Variants in RNF111 observed in about 807,000 individuals in gnomAD.
RNF111 encodes the protein E3 ubiquitin-protein ligase Arkadia.
Under a neutral mutation model 95.1 loss-of-function variants are expected in RNF111, and 17 were observed. That is an observed-to-expected ratio of 0.18 (90% CI 0.12 to 0.27). RNF111 has a LOEUF of 0.27. Among genes scored for constraint, RNF111 ranks in the 10% least tolerant of loss-of-function variants. The pLI is 1.00. For missense variants in RNF111, 1,189 were observed against 1,210.4 expected (o/e 0.98, Z 0.26); for synonymous variants, 440 against 414.8 (o/e 1.06, Z -0.74).
rs996458067 is a variant in RNF111 at position 59,095,252 on chromosome 15, T to C, written c.*352T>C. The C allele has an allele frequency of 2.5e-5, 6 of 243,198 alleles. No homozygotes were observed. The highest frequency in any genetic ancestry group is 8.0e-6 in the Non-Finnish European group (1 of 124,954). The allele number at this position is 243,198 out of a possible 1,614,324, so 15.1% of individuals were successfully genotyped here. ...AGAATTTTGTGGTCTTTTTGTTTTT[T>C]ACATAGTACCAAGCCTTGATAATTA... is the stretch of plus-strand genomic sequence containing the variant. On this transcript the variant is annotated 3_prime_UTR_variant, in exon 14 of 14. Coordinates refer to ENST00000348370, the MANE Select transcript of RNF111 (RefSeq NM_017610.8).
intron 2 of RNF111, among the ~76,000 whole-genome samples, chr15:59,034,041 C>G (rs528210018): frequency 2.6e-5 from 4 of 152,186 alleles, no homozygotes; most frequent in African/African-American, 7.2e-5. Context: ...TTCAGATCCT[C>G]CAGTGTTACT....
intron 2 of RNF111, among the ~76,000 whole-genome samples, chr15:59,032,923 T>A (rs1347054653): frequency 3.9e-5 from 6 of 152,132 alleles, no homozygotes; most frequent in Non-Finnish European, 8.8e-5. Context: ...ACAGTAAATG[T>A]GATATTTAAG....
intron 6 of RNF111, among the ~76,000 whole-genome samples, chr15:59,069,483 G>A (rs1361342555): frequency 1.3e-5 from 2 of 152,146 alleles, no homozygotes; most frequent in South Asian, 2.1e-4. Context: ...CATCAATTAT[G>A]TATACAACTT....
At chr15:59,067,407 G>A (rs80069580) in intron 6 of RNF111, among the ~76,000 whole-genome samples, 2,319 of 151,912 alleles carry the variant, frequency 0.015, 64 homozygotes, top group African/African-American at 0.053. Flanking sequence ...CCCAGCATGA[G>A]GGAGTAACTA....
Position 59,076,092 on chromosome 15 carries a change from G to C in RNF111, c.1825G>C (p.Ala609Pro), listed in dbSNP as rs751970190. The C allele has an allele frequency of 8.1e-6, 13 of 1,614,078 alleles. No homozygotes were observed. The highest frequency in any genetic ancestry group is 5.5e-5 in the South Asian group (5 of 91,092). Residue 609 changes from alanine to proline, a missense_variant, in exon 7 of 14, where the codon GCT becomes CCT. Coordinates refer to ENST00000348370, the MANE Select transcript of RNF111 (RefSeq NM_017610.8). ...AAIFGHQAAA[A>P]APSQPLSSID... ...AATCTTTGGCCATCAGGCCGCTGCTGCTGCCCCAAGTCAACCTTTATCATC... is the reference window on the plus strand; with the variant it reads ...AATCTTTGGCCATCAGGCCGCTGCTCCTGCCCCAAGTCAACCTTTATCATC...
intron 1 of RNF111, among the ~76,000 whole-genome samples, chr15:59,013,576 C>G (rs1027095624): frequency 2.0e-5 from 3 of 152,184 alleles, no homozygotes; most frequent in Non-Finnish European, 2.9e-5. Flanking sequence ...GTCAACATGA[C>G]TTAGCACTGA....
At position 59,066,774 on chromosome 15, in the gene RNF111, G is replaced by T; in HGVS notation, c.1377G>T (p.Arg459Ser). Residue 459 changes from arginine (R) to serine (S), a missense_variant, in exon 6 of 14, where the codon AGG becomes AGT. By Grantham distance (110) the Arg-to-Ser change is moderately radical. This residue lies in a region of RNF111 where 1,024 missense variants were observed against 925.9 expected (regional missense o/e 1.11). Transcript: ENST00000348370. Reference sequence around the variant, plus strand: ...TTTTTCTGTTTCAAGATGACTCAAGGAGAACTACATCTAGTGCTGTAACGG... The same window carrying T: ...TTTTTCTGTTTCAAGATGACTCAAGTAGAACTACATCTAGTGCTGTAACGG... ...TTGTSIGDDS[R>S]RTTSSAVTET... 1 of 1,612,472 alleles carries T rather than the reference G, an allele frequency of 6.2e-7. No homozygotes were observed. Among genetic ancestry groups the T allele is most frequent in the East Asian group, 2.2e-5 (1 of 44,854 alleles).
intron 1 of RNF111, among the ~76,000 whole-genome samples, chr15:59,025,956 C>T (rs746767240): frequency 1.8e-4 from 27 of 151,922 alleles, no homozygotes; most frequent in Non-Finnish European, 3.4e-4. Context: ...TCTCGAACTC[C>T]CAACCTCAGG....
At chr15:59,036,308 AC>A (rs1430647316) in intron 2 of RNF111, among the ~76,000 whole-genome samples, 1 of 152,030 alleles carries the variant, frequency 6.6e-6, no homozygotes, top group Non-Finnish European at 1.5e-5. Context: ...TCCGCTGCCC[AC>A]CTCAGCCTCC....
rs563230023 is a variant in RNF111 at position 59,014,785 on chromosome 15, C to G, written c.-19-16019C>G. ...TTTTTTTTTTTTTTTGAGACAGGGTCTTCCTCTATGGACCACCTGGAGTGC... is the reference window on the plus strand; with the variant it reads ...TTTTTTTTTTTTTTTGAGACAGGGTGTTCCTCTATGGACCACCTGGAGTGC... On this transcript the variant is annotated intron_variant, in intron 1 of 13. Transcript: ENST00000348370. Among the ~76,000 whole-genome samples the G allele has an allele frequency of 1.5e-4, 22 of 147,670 alleles. No individual in the cohort carries two copies. The South Asian group carries it at 4.7e-3, about 32-fold the overall frequency.
chr15:59,000,491 C>T (rs1418217125), intron 1 of RNF111, among the ~76,000 whole-genome samples: 12 of 152,060 alleles, frequency 7.9e-5, no homozygotes, highest in African/African-American at 2.9e-4. Context: ...GCAGGCGGAT[C>T]ACCTGAGGTC....
In RNF111 at chr15:59,094,832, T is replaced by C. The variant is rs2079150211; in HGVS notation, c.2893T>C (p.Leu965=). The C allele has an allele frequency of 1.2e-6, 2 of 1,613,548 alleles. No individual in the cohort carries two copies. The highest frequency in any genetic ancestry group is 1.3e-5 in the African/African-American group (1 of 75,024). The part of the protein sequence containing the change: ...LFHQVCVDQW[L]ITNKKCPICR... ...CCACCAAGTGTGTGTTGACCAATGG[T>C]TGATTACCAATAAGAAGTGCCCCAT... Residue 965 remains leucine, a synonymous_variant, in exon 14 of 14, where the codon TTG becomes CTG. Coordinates refer to ENST00000348370, the MANE Select transcript of RNF111 (RefSeq NM_017610.8).
Position 59,076,118 on chromosome 15 carries a change from A to C in RNF111, c.1851A>C (p.Ser617=). ...CTGCCCCAAGTCAACCTTTATCATC[A>C]ATAGATGGCTATGGATCAAGCATGG... The part of the protein sequence containing the change: ...AAAAPSQPLS[S]IDGYGSSMVA... The change falls in exon 7 of 14, where the codon TCA becomes TCC. Residue 617 remains serine (S), a synonymous_variant. Coordinates refer to ENST00000348370, the MANE Select transcript of RNF111 (RefSeq NM_017610.8). The C allele has an allele frequency of 6.2e-7, 1 of 1,614,142 alleles. No homozygotes were observed. The highest frequency in any genetic ancestry group is 8.5e-7 in the Non-Finnish European group (1 of 1,180,040).
chr15:59,027,815 G>A (rs1474090934), intron 1 of RNF111, among the ~76,000 whole-genome samples: 2 of 150,084 alleles, frequency 1.3e-5, no homozygotes, highest in Non-Finnish European at 3.0e-5. Context: ...TTACAGGCGT[G>A]AGCCACTGCA....
chr15:59,092,407 T>TA, intron 12 of RNF111, 130 bp from the exon 13 acceptor site: 1 of 882,914 alleles, frequency 1.1e-6, no homozygotes, highest in African/African-American at 1.7e-5. Context: ...ATGACAGTCT[T>TA]ACCTGGGAAA....
chr15:59,012,743 C>CTTT (rs71119428), intron 1 of RNF111, among the ~76,000 whole-genome samples: 5 of 142,864 alleles, frequency 3.5e-5, no homozygotes, highest in Non-Finnish European at 4.6e-5. Flanking sequence ...CTCTTTTTTT[C>CTTT]TTTTTTTTTT....
intron 7 of RNF111, among the ~76,000 whole-genome samples, chr15:59,079,698 G>A (rs2078680032): frequency 6.6e-6 from 1 of 151,062 alleles, no homozygotes. Flanking sequence ...ACATCTCTAA[G>A]AGTAAGGAAG....
chr15:59,041,322 G>A (rs1459655790), intron 2 of RNF111, among the ~76,000 whole-genome samples: 36 of 152,074 alleles, frequency 2.4e-4, no homozygotes, highest in Non-Finnish European at 7.4e-5. Context: ...TTGGGAGGCC[G>A]AGGCGGGTGG....
chr15:59,046,846 T>G (rs146294214), intron 2 of RNF111, among the ~76,000 whole-genome samples: 1 of 152,164 alleles, frequency 6.6e-6, no homozygotes, highest in Non-Finnish European at 1.5e-5. Flanking sequence ...GTATTCAGGA[T>G]ATATAAGGAA....
Sources: allele counts gnomAD v4.1 joint callset (sites outside exome capture counted in the v4.1 genomes callset), GRCh38; gene constraint gnomAD v4.1.1; regional missense constraint gnomAD v4.1.1; transcripts MANE v1.5; gene names NCBI Gene and HGNC (gene_info 2026-07-23, HGNC 2026-07-21).